Variants in BIVM observed in about 807,000 individuals in gnomAD.
BIVM encodes the protein basic, immunoglobulin-like variable motif containing, also known as basic immunoglobulin-like variable motif-containing protein.
Under a neutral mutation model 61.4 loss-of-function variants are expected in BIVM, and 31 were observed. The ratio of observed to expected loss-of-function variants is 0.51; its 90% CI spans 0.38 to 0.68. BIVM has a LOEUF of 0.68. Ranked by LOEUF, BIVM falls within the 30% of genes least tolerant of loss-of-function variation. The pLI, the probability that BIVM is intolerant of heterozygous loss-of-function variation, is 0.00. For synonymous variants in BIVM, 189 were observed against 210.7 expected (o/e 0.90, Z 0.89); for missense variants, 526 against 596.0 (o/e 0.88, Z 1.22).
intron 7 of BIVM, among the ~76,000 whole-genome samples, chr13:102,829,680 A>T (rs960163420): frequency 6.6e-6 from 1 of 151,908 alleles, no homozygotes; most frequent in Admixed American, 6.6e-5. Context: ...CTCTACTAAA[A>T]ATACAAAAAT....
intron 3 of BIVM, among the ~76,000 whole-genome samples, chr13:102,809,912 A>C (rs1344368887): frequency 6.6e-6 from 1 of 151,246 alleles, no homozygotes; most frequent in East Asian, 2.0e-4. Context: ...CAGCCTCCCG[A>C]GTACCTGGGA....
intron 4 of BIVM, chr13:102,820,779 AT>A (rs1880216667): frequency 1.2e-4 from 47 of 381,802 alleles, no homozygotes; most frequent in Middle Eastern, 7.4e-4. Flanking sequence ...ATATATCATT[AT>A]TTTTTTTCCC....
intron 9 of BIVM, among the ~76,000 whole-genome samples, chr13:102,837,476 C>T (rs1246628026): frequency 6.6e-6 from 1 of 152,146 alleles, no homozygotes; most frequent in African/African-American, 2.4e-5. Flanking sequence ...TTAGTACAAT[C>T]ACTATGACAA....
chr13:102,821,512 G>C (rs1880282564), intron 5 of BIVM, among the ~76,000 whole-genome samples: 1 of 152,132 alleles, frequency 6.6e-6, no homozygotes, highest in South Asian at 2.1e-4. Context: ...TGAGGCAAGA[G>C]GATCACTTGA....
chr13:102,838,571 A>T, intron 9 of BIVM, 72 bp from the exon 10 acceptor site: 3 of 1,319,706 alleles, frequency 2.3e-6, no homozygotes, highest in Middle Eastern at 3.8e-4. Flanking sequence ...CAACTTGCTC[A>T]TGAAAAATTC....
At chr13:102,826,823 G>A (rs1259281729) in intron 7 of BIVM, among the ~76,000 whole-genome samples, 1 of 152,074 alleles carries the variant, frequency 6.6e-6, no homozygotes, top group East Asian at 1.9e-4. Context: ...ATGAAGAGAT[G>A]GGTCAGTCAA....
chr13:102,822,890 G>A (rs7989475), intron 7 of BIVM, among the ~76,000 whole-genome samples: 152,074 of 152,328 alleles, frequency 1, 75,911 homozygotes, highest in Middle Eastern at 1. Context: ...ATCAGGCTCA[G>A]CTCTGAATAC....
At position 102,808,543 on chromosome 13, in the gene BIVM, T is replaced by G. The variant is rs563807479; in HGVS notation, c.478+798T>G. 4.6e-5 allele frequency among the ~76,000 whole-genome samples: 7 copies of G among 152,276 alleles called. No individual in the cohort carries two copies. The South Asian group carries it at 1.4e-3, about 32-fold the overall frequency. ...CAAAATCAATTTGTTTCATAGAATT[T>G]TAGGTAAATTTGTAATTCTTAAGGG... On this transcript the variant is annotated intron_variant, in intron 3 of 10. Coordinates refer to ENST00000257336, the MANE Select transcript of BIVM (RefSeq NM_017693.4).
In BIVM at chr13:102,807,358, G is replaced by A. The variant is rs763166626; in HGVS notation, c.91G>A (p.Gly31Ser). 9.3e-6 allele frequency: 15 copies of A among 1,614,048 alleles called. No homozygotes were observed. The highest frequency in any genetic ancestry group is 1.3e-5 in the Non-Finnish European group (15 of 1,180,050). Residue 31 changes from glycine to serine, a missense_variant, in exon 3 of 11, where the codon GGT becomes AGT. Gly to Ser is a moderately conservative substitution (Grantham distance 56). This residue lies in a region of BIVM where 312 missense variants were observed against 343.8 expected (regional missense o/e 0.91). Coordinates refer to ENST00000257336, the MANE Select transcript of BIVM (RefSeq NM_017693.4). The surrounding 1 kb of genome is among the most constrained non-coding windows in gnomAD (Gnocchi z 4.0). Reference protein sequence around the residue: ...ERKSPEENLQGAVKSFCTSAS... With the variant: ...ERKSPEENLQSAVKSFCTSAS... Reference sequence around the variant, plus strand: ...AAAGTCACCTGAAGAGAATCTACAAGGTGCTGTAAAATCTTTCTGCACAAG... The same window carrying A: ...AAAGTCACCTGAAGAGAATCTACAAAGTGCTGTAAAATCTTTCTGCACAAG...
chr13:102,821,775 A>G lies in BIVM; in HGVS notation c.734A>G (p.His245Arg), dbSNP rs1266385084. The G allele has an allele frequency of 7.4e-6, 12 of 1,613,912 alleles. No homozygotes were observed. Among genetic ancestry groups the G allele is most frequent in the African/African-American group, 2.7e-5 (2 of 74,926 alleles). Residue 245 changes from histidine to arginine, a missense_variant, in exon 6 of 11, where the codon CAT becomes CGT. This residue lies in a region of BIVM where 312 missense variants were observed against 343.8 expected (regional missense o/e 0.91). Transcript: ENST00000257336. ...CCTATTACCCAAGAAGAAGCTTTAC[A>G]TATTCTGGGCTTTCAACCTCCATTT... is the stretch of plus-strand genomic sequence containing the variant. ...LPPITQEEAL[H>R]ILGFQPPFED...
chr13:102,822,282 C>T (rs1880346509), intron 7 of BIVM, 123 bp downstream of exon 7: 2 of 861,542 alleles, frequency 2.3e-6, no homozygotes, highest in Admixed American at 5.7e-5. Context: ...ATTATGTAAA[C>T]CCTCAGCACA....
At chr13:102,815,343 A>T (rs1411963008) in intron 3 of BIVM, among the ~76,000 whole-genome samples, 1 of 152,160 alleles carries the variant, frequency 6.6e-6, no homozygotes, top group Non-Finnish European at 1.5e-5. Context: ...TTATAACAGA[A>T]CTGTTTTAAA....
intron 8 of BIVM, among the ~76,000 whole-genome samples, chr13:102,833,326 G>GTTTTTTTTTTTTT: frequency 7.4e-5 from 2 of 26,886 alleles, no homozygotes; most frequent in Non-Finnish European, 3.4e-4. Context: ...GGATAGGATG[G>GTTTTTTTTTTTTT]GTTTTTTTTT....
intron 1 of BIVM, among the ~76,000 whole-genome samples, chr13:102,804,210 C>T (rs1452720852): frequency 3.3e-5 from 5 of 151,644 alleles, no homozygotes; most frequent in Admixed American, 6.6e-5. Context: ...TGCAGTGGCG[C>T]GATCTTGGCT....
At chr13:102,831,725 C>G (rs568085065) in intron 8 of BIVM, 28 bp downstream of exon 8, 27 of 1,612,526 alleles carry the variant, frequency 1.7e-5, no homozygotes, top group South Asian at 3.3e-5. Context: ...TTAGAAAGTG[C>G]ATTTTAAGAA....
intron 9 of BIVM, 22 bp from the exon 10 acceptor site, chr13:102,838,621 T>C (rs1167856695): frequency 1.9e-6 from 3 of 1,587,894 alleles, no homozygotes; most frequent in Non-Finnish European, 2.6e-6. Context: ...AATTGTGCTT[T>C]ATCCTTTCTT....
intron 7 of BIVM, among the ~76,000 whole-genome samples, chr13:102,831,088 G>C (rs1042074470): frequency 6.6e-6 from 1 of 152,070 alleles, no homozygotes; most frequent in Non-Finnish European, 1.5e-5. Context: ...ATATATATTA[G>C]AACTTCTATA....
chr13:102,802,610 T>C (rs1878811013), intron 1 of BIVM, among the ~76,000 whole-genome samples: 1 of 132,820 alleles, frequency 7.5e-6, no homozygotes, highest in South Asian at 2.6e-4. Flanking sequence ...ATAAAATGCA[T>C]CCTTATATTG....
At chr13:102,823,559 CCTT>C (rs905006845) in intron 7 of BIVM, among the ~76,000 whole-genome samples, 1 of 152,166 alleles carries the variant, frequency 6.6e-6, no homozygotes, top group Non-Finnish European at 1.5e-5. Flanking sequence ...GCCTGTCTAT[CCTT>C]CTGGAAAACA....
Sources: gnomAD v4.1 joint callset for allele counts (sites outside exome capture counted in the v4.1 genomes callset) on GRCh38, gnomAD v4.1.1 for gene constraint, gnomAD v4.1.1 regional missense constraint, Gnocchi (gnomAD v3.1) non-coding constraint, MANE v1.5 for transcripts, NCBI Gene and HGNC (gene_info 2026-07-23, HGNC 2026-07-21) for gene names.